Variants in ZFHX3 observed in about 807,000 individuals in gnomAD.
ZFHX3 encodes the protein zinc finger homeobox protein 3.
A neutral mutation model predicts 279.1 loss-of-function variants in ZFHX3; 42 were observed. That is an observed-to-expected ratio of 0.15 (90% confidence interval 0.12 to 0.19). The LOEUF (loss-of-function observed/expected upper bound fraction) is 0.19, where lower values mean the gene tolerates loss of function less well. Among genes scored for constraint, ZFHX3 ranks in the 10% least tolerant of loss-of-function variants. The pLI is 1.00. For missense variants in ZFHX3, 4,981 were observed against 4,754.0 expected (o/e 1.05, Z -1.40); for synonymous variants, 2,293 against 1,957.8 (o/e 1.17, Z -4.52).
At chr16:73,398,745 C>A (rs1248994291) in intron 3 of ZFHX3, among the ~76,000 whole-genome samples, 1 of 152,234 alleles carries the variant, frequency 6.6e-6, no homozygotes, top group Non-Finnish European at 1.5e-5. Context: ...ATAAGCACAT[C>A]ATTTGTAGTA....
intron 3 of ZFHX3, among the ~76,000 whole-genome samples, chr16:73,329,371 T>C (rs774586377): frequency 5.9e-5 from 9 of 152,276 alleles, no homozygotes; most frequent in Non-Finnish European, 1.3e-4. Context: ...CGACTATATT[T>C]TCGAGTTTCA....
chr16:73,688,582 T>C (rs1055096373), intron 1 of ZFHX3, among the ~76,000 whole-genome samples: 3 of 152,096 alleles, frequency 2.0e-5, no homozygotes, highest in Non-Finnish European at 4.4e-5. Flanking sequence ...AGACACTGCA[T>C]CTGCTGGTGC....
chr16:73,393,364 C>T (rs921484390), intron 3 of ZFHX3, among the ~76,000 whole-genome samples: 1 of 152,218 alleles, frequency 6.6e-6, no homozygotes, highest in African/African-American at 2.4e-5. Flanking sequence ...CCCATGATCA[C>T]TGACAGTATT....
At chr16:73,591,519 T>C (rs9929975) in intron 2 of ZFHX3, among the ~76,000 whole-genome samples, 78,536 of 150,502 alleles carry the variant, frequency 0.52, 21,843 homozygotes, top group East Asian at 0.8. Flanking sequence ...CGTGAAACCT[T>C]GTCTCTACTA....
At chr16:73,751,497 A>C (rs2053761791) in intron 1 of ZFHX3, among the ~76,000 whole-genome samples, 1 of 149,730 alleles carries the variant, frequency 6.7e-6, no homozygotes. Flanking sequence ...ATGTCTAATC[A>C]TGTACATGGT....
chr16:73,887,422 C>A (rs982645463), intron 1 of ZFHX3, among the ~76,000 whole-genome samples: 1 of 152,118 alleles, frequency 6.6e-6, no homozygotes, highest in African/African-American at 2.4e-5. Context: ...TACTCCAAAT[C>A]GATTTCTATA....
At chr16:73,096,712 G>A (rs1481021612) in intron 7 of ZFHX3, among the ~76,000 whole-genome samples, 8 of 151,914 alleles carry the variant, frequency 5.3e-5, no homozygotes, top group Admixed American at 4.6e-4. Context: ...CACCATGCCC[G>A]GCATTGAAGC....
intron 1 of ZFHX3, among the ~76,000 whole-genome samples, chr16:73,754,288 T>C (rs1268822631): frequency 6.6e-6 from 1 of 152,214 alleles, no homozygotes; most frequent in South Asian, 2.1e-4. Context: ...TGTAGACCTA[T>C]CCAAATATGG....
intron 2 of ZFHX3, chr16:73,483,230 C>G (rs893957420): frequency 2.8e-6 from 1 of 362,448 alleles, no homozygotes; most frequent in Non-Finnish European, 5.3e-6. Context: ...TGCCAGCGCA[C>G]GCCTGGCCCA....
At position 73,416,702 on chromosome 16, in the gene ZFHX3, G is replaced by A. The variant is rs867734377; in HGVS notation, c.-1291+39301C>T. 1.2e-4 allele frequency among the ~76,000 whole-genome samples: 18 copies of A among 151,908 alleles called. No homozygotes were observed. In the South Asian group the frequency reaches 3.1e-3, roughly 26 times the overall value. The stretch of plus-strand genomic sequence containing the variant: ...TCCTGGCTAACATGGTGAAACCCCC[G>A]TCTCTACTAAAAATACAAAAAATTA... On this transcript the variant is annotated intron_variant, in intron 3 of 17. Transcript: ENST00000641206.
At chr16:73,051,021 A>C (rs1025234512), upstream of ZFHX3, among the ~76,000 whole-genome samples, 2 of 152,088 alleles carry the variant, frequency 1.3e-5, no homozygotes, top group Non-Finnish European at 2.9e-5. Flanking sequence ...CTACACATAC[A>C]CACTTACTAA....
In ZFHX3 at chr16:73,872,748, G is replaced by A. The variant is rs1233657022; in HGVS notation, c.-1608+18903C>T. Among the ~76,000 whole-genome samples, 6 of 92,366 alleles carry A rather than the reference G, an allele frequency of 6.5e-5. 1 individual carries two copies. The highest frequency in any genetic ancestry group is 1.0e-4 in the Non-Finnish European group (5 of 48,130). 60.6% of individuals were successfully genotyped at this position (92,366 alleles called of 152,430 possible). ...GGTTAGCTACTCTGGTGGTGGTGGC[G>A]GGGGTTGGTGGTGGTGGTAGCTGGT... On this transcript the variant is annotated intron_variant, in intron 1 of 17. Coordinates refer to the ZFHX3 transcript ENST00000641206.
At chr16:73,817,972 T>C (rs755720133) in intron 1 of ZFHX3, among the ~76,000 whole-genome samples, 2 of 152,152 alleles carry the variant, frequency 1.3e-5, no homozygotes, top group Non-Finnish European at 2.9e-5. Flanking sequence ...CAAAGCCAAG[T>C]GTACGAAAGT....
chr16:73,543,906 G>GAGAGAGAGAGAGAGAC (rs1567514917), intron 2 of ZFHX3: 14 of 141,806 alleles, frequency 9.9e-5, no homozygotes, highest in African/African-American at 4.1e-4. Context: ...GAGAGAGAGA[G>GAGAGAGAGAGAGAGAC]AGAGACAGAG....
intron 5 of ZFHX3, among the ~76,000 whole-genome samples, chr16:73,231,114 C>G (rs1404839670): frequency 6.6e-6 from 1 of 152,164 alleles, no homozygotes; most frequent in Non-Finnish European, 1.5e-5. Flanking sequence ...GCGGGGACCA[C>G]CATCCAATGG....
intron 7 of ZFHX3, among the ~76,000 whole-genome samples, chr16:73,096,869 G>A (rs112967650): frequency 2.6e-5 from 4 of 152,212 alleles, no homozygotes; most frequent in African/African-American, 9.6e-5. Context: ...GGGACAGAGG[G>A]GAACTCAGTC....
intron 2 of ZFHX3, among the ~76,000 whole-genome samples, chr16:73,512,207 A>G (rs2019440994): frequency 6.8e-6 from 1 of 147,696 alleles, no homozygotes. Context: ...AGGTGGGTGG[A>G]TCACAAGGTC....
At chr16:73,705,742 CTCTT>C (rs2053297098) in intron 1 of ZFHX3, among the ~76,000 whole-genome samples, 1 of 152,188 alleles carries the variant, frequency 6.6e-6, no homozygotes, top group African/African-American at 2.4e-5. Context: ...CAAATCATTA[CTCTT>C]TCTATCTTCC....
intron 2 of ZFHX3, among the ~76,000 whole-genome samples, chr16:73,535,190 T>C (rs1003146997): frequency 6.6e-6 from 1 of 152,160 alleles, no homozygotes; most frequent in Non-Finnish European, 1.5e-5. Flanking sequence ...AATAGCCTAA[T>C]TTCACCAGAA....
Sources: allele counts gnomAD v4.1 joint callset (sites outside exome capture counted in the v4.1 genomes callset), GRCh38; gene constraint gnomAD v4.1.1; transcripts MANE v1.5; gene names NCBI Gene and HGNC (gene_info 2026-07-23, HGNC 2026-07-21).